The following GRIPAP1 variants were observed in gnomAD, a reference collection of about 807,000 sequenced individuals.
The protein encoded by GRIPAP1 is GRIP1 associated protein 1.
A neutral mutation model predicts 84.1 loss-of-function variants in GRIPAP1; 14 were observed. The ratio of observed to expected loss-of-function variants is 0.17; its 90% CI spans 0.11 to 0.26. The LOEUF (loss-of-function observed/expected upper bound fraction) is 0.26. Ranked by LOEUF, GRIPAP1 falls within the 10% of genes least tolerant of loss-of-function variation. The pLI is 1.00. For synonymous variants in GRIPAP1, 261 were observed against 256.8 expected, an observed-to-expected ratio of 1.02 and a Z score of -0.15; for missense variants, 518 against 674.2, an observed-to-expected ratio of 0.77 and a Z score of 2.57.
Position 48,993,536 on chromosome X carries a change from G to T in GRIPAP1, c.349C>A (p.Leu117Met). 1.7e-6 allele frequency: 2 copies of T among 1,184,292 alleles called. No homozygotes were observed. The highest frequency in any genetic ancestry group is 2.3e-6 in the Non-Finnish European group (2 of 880,740). The part of the protein sequence containing the change: ...MEQLEQENQQ[L>M]KEGAAGAGVA... ...CCTGCTCCTGCAGCCCCCTCCTTCAGTTGCTGGTTCTCTTGCTCCAGCTGT... is the reference window on the plus strand; with the variant it reads ...CCTGCTCCTGCAGCCCCCTCCTTCATTTGCTGGTTCTCTTGCTCCAGCTGT... Residue 117 changes from leucine (L) to methionine (M), a missense_variant, in exon 6 of 26, where the codon CTG (leucine) becomes ATG (methionine). By Grantham distance (15) the Leu-to-Met change is conservative (BLOSUM62 2). This residue lies in a region of GRIPAP1 where 372 missense variants were observed against 458.1 expected (regional missense o/e 0.81). Coordinates refer to ENST00000376423, the MANE Select transcript of GRIPAP1 (RefSeq NM_020137.5).
At chrX:48,999,685 C>T (rs143530256) in intron 1 of GRIPAP1, among the ~76,000 whole-genome samples, 181 bp from the exon 2 acceptor site, 1,173 of 110,932 alleles carry the variant, frequency 0.011, 21 homozygotes, top group African/African-American at 0.036. Flanking sequence ...CCCTGGCTCA[C>T]CTTTTCCAGC....
chrX:48,976,019 G>A lies in GRIPAP1; in HGVS notation c.2277C>T (p.Ile759=), dbSNP rs144855492. The A allele has an allele frequency of 2.5e-5, 30 of 1,205,656 alleles. No homozygotes were observed. Among genetic ancestry groups the A allele is most frequent in the Non-Finnish European group, 3.4e-5 (30 of 891,349 alleles). ...GAGGGCCGGGGAGGGGACACTGACC[G>A]ATCCGGCTGTCCATGACGTAGGTCT... ...IIETYVMDSR[I]DVSVAAGHTD... Residue 759 remains isoleucine, a splice_region_variant and synonymous_variant, in exon 24 of 26, where the codon ATC becomes ATT. Transcript: ENST00000376423.
At chrX:48,974,335 C>T (rs199614103) in intron 25 of GRIPAP1, 50 bp from the exon 26 acceptor site, 7 of 803,410 alleles carry the variant, frequency 8.7e-6, no homozygotes, top group Non-Finnish European at 1.1e-5. Flanking sequence ...CAGGCTGCTC[C>T]CTTGCCAAAC....
chrX:48,987,647 G>A (rs1557064271), intron 13 of GRIPAP1, 138 bp downstream of exon 13: 3 of 437,199 alleles, frequency 6.9e-6, no homozygotes, highest in Non-Finnish European at 1.2e-5. Context: ...AGGGCTGGAC[G>A]CCAACAGAAA....
chrX:48,979,505 A>AG (rs1371353951), intron 21 of GRIPAP1, among the ~76,000 whole-genome samples: 252 of 1,374 alleles, frequency 0.18, 78 homozygotes, highest in Non-Finnish European at 0.29. Context: ...AAAAAAAAGA[A>AG]ATGCAAGCAG....
At chrX:48,976,433 C>G in intron 22 of GRIPAP1, 70 bp from the exon 23 acceptor site, 1 of 1,123,477 alleles carries the variant, frequency 8.9e-7, no homozygotes, top group South Asian at 2.1e-5. Context: ...GTGTCAGGGA[C>G]TGGGGAGGAG....
Position 48,974,002 on chromosome X carries a change from A to T in GRIPAP1, c.*191T>A, listed in dbSNP as rs2064409101. The T allele has an allele frequency of 2.6e-5, 9 of 345,903 alleles. No individual in the cohort carries two copies. The highest frequency in any genetic ancestry group is 4.7e-5 in the Admixed American group (1 of 21,494). The allele number at this position is 345,903 out of a possible 1,213,427, so 28.5% of individuals were successfully genotyped here. A position where few individuals can be genotyped will look rare whatever the true frequency, so the allele number is the denominator to read the frequency against. On this transcript the variant is annotated 3_prime_UTR_variant, in exon 26 of 26. Coordinates refer to ENST00000376423, the MANE Select transcript of GRIPAP1 (RefSeq NM_020137.5). ...AGAAATCCCTGCCCCTTCCCTCAGG[A>T]TCCCCACTCCCTGGTGGCCTCTGCC...
chrX:48,979,736 C>G (rs1204301378), intron 21 of GRIPAP1, among the ~76,000 whole-genome samples: 4 of 102,345 alleles, frequency 3.9e-5, no homozygotes, highest in African/African-American at 1.4e-4. Flanking sequence ...CTCAGCCTCC[C>G]GAAGTAGCTG....
chrX:48,986,583 C>T (rs961078394), intron 13 of GRIPAP1, among the ~76,000 whole-genome samples: 2 of 108,290 alleles, frequency 1.8e-5, no homozygotes, highest in African/African-American at 3.4e-5. Context: ...TTAGTAGAGA[C>T]GGGGTTTCAC....
At chrX:48,992,268 AGT>A (rs782322689) in intron 6 of GRIPAP1, among the ~76,000 whole-genome samples, 1 of 112,759 alleles carries the variant, frequency 8.9e-6, no homozygotes, top group Non-Finnish European at 1.9e-5. Flanking sequence ...GGCCTCCCAA[AGT>A]GCTAGGATTA....
chrX:48,989,618 G>A lies in GRIPAP1; in HGVS notation c.863C>T (p.Ala288Val). ...GAACCCAGTCCCCATCACCTGATTG[G>A]CAGCCTCAAGTTCCTGCTGCAGCTT... ...TQKLQQELEA[A>V]NQSLAELRDQ... The change falls in exon 11 of 26, where the codon GCC becomes GTC. Residue 288 changes from alanine (A) to valine (V), a missense_variant. Around this residue, in one of 5 missense-constraint regions of GRIPAP1, gnomAD observed 372 missense variants for 458.1 expected, o/e 0.81. Coordinates refer to ENST00000376423, the MANE Select transcript of GRIPAP1 (RefSeq NM_020137.5). The A allele has an allele frequency of 8.5e-7, 1 of 1,181,168 alleles. No individual in the cohort carries two copies. Among genetic ancestry groups the A allele is most frequent in the Non-Finnish European group, 1.2e-6 (1 of 868,286 alleles).
chrX:48,974,322 G>T lies in GRIPAP1; in HGVS notation c.2434-37C>A, dbSNP rs782515272. 3.2e-6 allele frequency: 3 copies of T among 941,298 alleles called. No homozygotes were observed. The East Asian group carries it at 9.3e-5, about 29-fold the overall frequency. 77.6% of individuals were successfully genotyped at this position (941,298 alleles called of 1,213,427 possible). The stretch of plus-strand genomic sequence containing the variant: ...ATGAACCATCAGGGGCCAGAGAAGG[G>T]GACAGGCTGCTCCCTTGCCAAACGT... On this transcript the variant is annotated intron_variant, in intron 25 of 25. Transcript: ENST00000376423.
chrX:48,988,448 C>T, intron 11 of GRIPAP1: 5 of 382,833 alleles, frequency 1.3e-5, no homozygotes, highest in South Asian at 4.6e-5. Context: ...CTAGCTGCTA[C>T]GCGGTTCAAA....
intron 5 of GRIPAP1, among the ~76,000 whole-genome samples, chrX:48,995,392 G>A (rs916382937): frequency 9.0e-6 from 1 of 111,538 alleles, no homozygotes; most frequent in African/African-American, 3.3e-5. Flanking sequence ...GAATACCAGG[G>A]GCTCTGAACT....
chrX:48,985,846 GGA>G (rs1168060849), intron 13 of GRIPAP1, among the ~76,000 whole-genome samples: 4 of 110,243 alleles, frequency 3.6e-5, no homozygotes, highest in African/African-American at 6.6e-5. Flanking sequence ...ATGGTGGCGG[GGA>G]GAGAGAGAGA....
intron 13 of GRIPAP1, among the ~76,000 whole-genome samples, chrX:48,986,800 G>T (rs1240641842): frequency 8.9e-6 from 1 of 112,048 alleles, no homozygotes; most frequent in African/African-American, 3.2e-5. Context: ...CAAAGTGCTG[G>T]GATTACAGGT....
Position 48,985,365 on chromosome X carries a change from C to T in GRIPAP1, c.1079G>A (p.Arg360Gln), listed in dbSNP as rs781934413. ...TAKTQELNML[R>Q]EQTTGLAAEL... ...AGCTGCCAGCCCAGTGGTCTGTTCC[C>T]GGAGCATATTCAGTTCTTGGGTCTT... Residue 360 changes from arginine to glutamine, a missense_variant, in exon 14 of 26, where the codon CGG becomes CAG. This residue lies in a region of GRIPAP1 where 372 missense variants were observed against 458.1 expected (regional missense o/e 0.81). Transcript: ENST00000376423. 2.5e-5 allele frequency: 30 copies of T among 1,207,293 alleles called. No homozygotes were observed. The South Asian group carries it at 4.4e-4, about 18-fold the overall frequency.
chrX:48,986,773 C>T (rs1008932629), intron 13 of GRIPAP1, among the ~76,000 whole-genome samples: 10 of 112,345 alleles, frequency 8.9e-5, no homozygotes, highest in Non-Finnish European at 1.3e-4. Context: ...TCAGGTGATC[C>T]GCCCACCTCT....
In GRIPAP1 at chrX:48,983,858, C is replaced by A; in HGVS notation, c.1189G>T (p.Ala397Ser). 1 of 1,151,717 alleles carries A rather than the reference C, an allele frequency of 8.7e-7. No individual in the cohort carries two copies. The highest frequency in any genetic ancestry group is 1.2e-6 in the Non-Finnish European group (1 of 840,818). The allele number at this position is 1,151,717 out of a possible 1,213,427, so 94.9% of individuals were successfully genotyped here. The change falls in exon 15 of 26, where the codon GCC becomes TCC. Residue 397 changes from alanine to serine, a missense_variant. By Grantham distance (99) the Ala-to-Ser change is moderately conservative (BLOSUM62 1). Around this residue, in one of 5 missense-constraint regions of GRIPAP1, gnomAD observed 372 missense variants for 458.1 expected, o/e 0.81. Coordinates refer to ENST00000376423, the MANE Select transcript of GRIPAP1 (RefSeq NM_020137.5). ...AGTTGTTCCAGCAGTCGACTATTGG[C>A]CCGTAATGACTCCTAATGCAGACAC... ...LNSQLQESLRANSRLLEQLQE... is the reference protein window; with the variant it reads ...LNSQLQESLRSNSRLLEQLQE...
Sources: allele counts gnomAD v4.1 joint callset (sites outside exome capture counted in the v4.1 genomes callset), GRCh38; gene constraint gnomAD v4.1.1; regional missense constraint gnomAD v4.1.1; transcripts MANE v1.5; gene names NCBI Gene and HGNC (gene_info 2026-07-23, HGNC 2026-07-21).